SGMS1: variants seen among roughly 807,000 people sequenced by gnomAD.
The protein encoded by SGMS1 is phosphatidylcholine:ceramide cholinephosphotransferase 1.
Under a neutral mutation model 46.2 loss-of-function variants are expected in SGMS1, and 13 were observed. The ratio of observed to expected loss-of-function variants is 0.28; its 90% confidence interval spans 0.18 to 0.45. The LOEUF is 0.45. SGMS1 is among the 20% of genes least tolerant of loss of function. The pLI is 1.00. For synonymous variants in SGMS1, 203 were observed against 187.8 expected (o/e 1.08, Z -0.66); for missense variants, 324 against 519.9 (o/e 0.62, Z 3.66).
intron 1 of SGMS1, 47 bp downstream of exon 1, chr10:50,623,660 C>A: frequency 1.0e-6 from 1 of 985,418 alleles, no homozygotes; most frequent in Non-Finnish European, 1.2e-6. Flanking sequence ...GTCCGATCGG[C>A]CCCCGCAACC....
intron 5 of SGMS1, among the ~76,000 whole-genome samples, chr10:50,458,425 G>A (rs919748390): frequency 6.0e-5 from 8 of 132,810 alleles, no homozygotes; most frequent in Admixed American, 5.3e-4. Flanking sequence ...GCACAATCTC[G>A]GCTCACTGCA....
chr10:50,441,381 G>A (rs1849545054), intron 5 of SGMS1, among the ~76,000 whole-genome samples: 1 of 152,002 alleles, frequency 6.6e-6, no homozygotes, highest in Non-Finnish European at 1.5e-5. Flanking sequence ...ATTCCTATTG[G>A]TATATCCATT....
chr10:50,525,715 C>A (rs1837895046), intron 2 of SGMS1, among the ~76,000 whole-genome samples: 1 of 152,222 alleles, frequency 6.6e-6, no homozygotes, highest in Admixed American at 6.5e-5. Flanking sequence ...GACTCTACCA[C>A]TTACCATCAT....
At position 50,343,550 on chromosome 10, in the gene SGMS1, T is replaced by C; in HGVS notation, c.565A>G (p.Ile189Val). ...AGTCCTACAAGGATCATGCCATTAATTTCACAAATAGAAAAGGCCCACTGC... is the reference window on the plus strand; with the variant it reads ...AGTCCTACAAGGATCATGCCATTAACTTCACAAATAGAAAAGGCCCACTGC... ...RVQWAFSICE[I>V]NGMILVGLWL... is the part of the protein sequence containing the mutation. Residue 189 changes from isoleucine (I) to valine (V), a missense_variant, in exon 7 of 11, where the codon ATT becomes GTT. Around this residue, in one of 2 missense-constraint regions of SGMS1, gnomAD observed 174 missense variants for 350.1 expected, o/e 0.50. Coordinates refer to ENST00000361781, the MANE Select transcript of SGMS1 (RefSeq NM_147156.4). The C allele has an allele frequency of 6.2e-7, 1 of 1,614,092 alleles. No homozygotes were observed. Among genetic ancestry groups the C allele is most frequent in the East Asian group, 2.2e-5 (1 of 44,880 alleles).
intron 3 of SGMS1, among the ~76,000 whole-genome samples, chr10:50,481,863 A>G (rs1199693741): frequency 6.6e-6 from 1 of 152,224 alleles, no homozygotes; most frequent in East Asian, 1.9e-4. Context: ...ACACAACATG[A>G]GAACTTCATA....
chr10:50,536,543 T>G (rs1177136877), intron 2 of SGMS1, among the ~76,000 whole-genome samples: 1 of 152,198 alleles, frequency 6.6e-6, no homozygotes, highest in East Asian at 1.9e-4. Context: ...CAAAAATAAT[T>G]CTACATGCTC....
intron 8 of SGMS1, among the ~76,000 whole-genome samples, chr10:50,320,673 C>G (rs950378257): frequency 6.6e-6 from 1 of 152,218 alleles, no homozygotes; most frequent in Non-Finnish European, 1.5e-5. Context: ...GCCACTTGCT[C>G]CATAAGATCC....
At chr10:50,609,007 C>A (rs1337561346) in intron 1 of SGMS1, among the ~76,000 whole-genome samples, 3 of 152,050 alleles carry the variant, frequency 2.0e-5, no homozygotes, top group Non-Finnish European at 4.4e-5. Flanking sequence ...TTTTTTGACA[C>A]AGGGTCTCAC....
chr10:50,357,453 C>T (rs1295344894), intron 6 of SGMS1, among the ~76,000 whole-genome samples: 1 of 152,072 alleles, frequency 6.6e-6, no homozygotes, highest in Non-Finnish European at 1.5e-5. Flanking sequence ...AACAATTTAC[C>T]ATGCAAATTT....
chr10:50,575,461 C>T (rs1838375733), intron 2 of SGMS1, among the ~76,000 whole-genome samples: 1 of 151,994 alleles, frequency 6.6e-6, no homozygotes, highest in Non-Finnish European at 1.5e-5. Flanking sequence ...CAGGAGGATC[C>T]CTTGACCCCA....
chr10:50,580,391 T>C (rs1480056583), intron 2 of SGMS1, among the ~76,000 whole-genome samples: 1 of 151,854 alleles, frequency 6.6e-6, no homozygotes, highest in Non-Finnish European at 1.5e-5. Context: ...CACAAGTGTC[T>C]AATGATTTAA....
chr10:50,513,479 C>T (rs1837774983), intron 3 of SGMS1, among the ~76,000 whole-genome samples: 1 of 152,130 alleles, frequency 6.6e-6, no homozygotes, highest in Non-Finnish European at 1.5e-5. Flanking sequence ...GCCAAAACTG[C>T]CCTTCCCAAC....
intron 1 of SGMS1, among the ~76,000 whole-genome samples, chr10:50,618,837 G>A (rs1034119761): frequency 1.3e-5 from 2 of 152,162 alleles, no homozygotes; most frequent in South Asian, 2.1e-4. Flanking sequence ...TCTCCAACCT[G>A]GGCATGCTGA....
chr10:50,581,164 A>G lies in SGMS1; in HGVS notation c.-589+8989T>C, dbSNP rs931721119. Among the ~76,000 whole-genome samples, 22 of 152,194 alleles carry G rather than the reference A, an allele frequency of 1.4e-4. 1 individual carries two copies. The highest frequency in any genetic ancestry group is 5.1e-4 in the African/African-American group (21 of 41,438). ...CTCCAATGAGACCCCAGACCAAGTA[A>G]ATAAGTATGTAAGGAGCGGGGAGTT... On this transcript the variant is annotated intron_variant, in intron 2 of 10. Coordinates refer to ENST00000361781, the MANE Select transcript of SGMS1 (RefSeq NM_147156.4).
At chr10:50,541,410 C>T (rs1048641011) in intron 2 of SGMS1, among the ~76,000 whole-genome samples, 1 of 152,036 alleles carries the variant, frequency 6.6e-6, no homozygotes, top group Non-Finnish European at 1.5e-5. Flanking sequence ...TATGGTATAC[C>T]AACATAATTT....
chr10:50,443,946 A>AT (rs1330980319), intron 5 of SGMS1, among the ~76,000 whole-genome samples: 1 of 152,102 alleles, frequency 6.6e-6, no homozygotes, highest in Non-Finnish European at 1.5e-5. Context: ...TTCAAGGAAA[A>AT]TTTTTTACTA....
At chr10:50,584,413 C>T (rs191240194) in intron 2 of SGMS1, among the ~76,000 whole-genome samples, 6 of 149,436 alleles carry the variant, frequency 4.0e-5, no homozygotes, top group African/African-American at 1.2e-4. Flanking sequence ...GCAGGAGAAT[C>T]ACTTGAACCC....
chr10:50,539,877 T>C (rs1259593631), intron 2 of SGMS1, among the ~76,000 whole-genome samples: 5 of 152,224 alleles, frequency 3.3e-5, no homozygotes, highest in Non-Finnish European at 7.3e-5. Context: ...GTAAGGCTCA[T>C]ATATAGACAT....
intron 2 of SGMS1, among the ~76,000 whole-genome samples, chr10:50,535,395 C>G (rs1354775132): frequency 6.6e-6 from 1 of 151,256 alleles, no homozygotes; most frequent in Non-Finnish European, 1.5e-5. Context: ...GAGATGGAGT[C>G]TCACTCTGTC....
Sources: allele counts gnomAD v4.1 joint callset (sites outside exome capture counted in the v4.1 genomes callset), GRCh38; gene constraint gnomAD v4.1.1; regional missense constraint gnomAD v4.1.1; transcripts MANE v1.5; gene names NCBI Gene and HGNC (gene_info 2026-07-23, HGNC 2026-07-21).